Variants in ENPP6 observed in about 807,000 individuals in gnomAD.
The protein encoded by ENPP6 is ectonucleotide pyrophosphatase/phosphodiesterase 6.
A neutral mutation model predicts 42.0 loss-of-function variants in ENPP6; 32 were observed. The ratio of observed to expected loss-of-function variants is 0.76; its 90% confidence interval spans 0.58 to 1.02. The LOEUF (loss-of-function observed/expected upper bound fraction) is 1.02, where lower values mean the gene tolerates loss of function less well. Ranked by LOEUF, ENPP6 falls within the 50% of genes least tolerant of loss-of-function variation. ENPP6 has a pLI of 0.00. For missense variants in ENPP6, 552 were observed against 566.8 expected, an observed-to-expected ratio of 0.97 and a Z score of 0.27; for synonymous variants, 213 against 216.0, an observed-to-expected ratio of 0.99 and a Z score of 0.12.
At chr4:184,153,181 A>G (rs1737086669) in intron 2 of ENPP6, among the ~76,000 whole-genome samples, 2 of 149,796 alleles carry the variant, frequency 1.3e-5, no homozygotes, top group Non-Finnish European at 3.0e-5. Flanking sequence ...ACTGGAGTGC[A>G]ATGGCGCAAT....
intron 2 of ENPP6, among the ~76,000 whole-genome samples, chr4:184,131,752 T>C (rs1736638763): frequency 6.6e-6 from 1 of 151,710 alleles, no homozygotes; most frequent in South Asian, 2.1e-4. Context: ...TCCATTTCAG[T>C]GTCTGTGACT....
intron 1 of ENPP6, among the ~76,000 whole-genome samples, chr4:184,212,836 CTA>C (rs1298785244): frequency 6.6e-6 from 1 of 152,094 alleles, no homozygotes; most frequent in Non-Finnish European, 1.5e-5. Flanking sequence ...TGACTTCAAA[CTA>C]TACTACAAGG....
At chr4:184,109,476 C>T (rs974296448) in intron 6 of ENPP6, among the ~76,000 whole-genome samples, 5 of 152,066 alleles carry the variant, frequency 3.3e-5, no homozygotes, top group East Asian at 3.8e-4. Flanking sequence ...AGAGCTGCTA[C>T]GGATCCGGGC....
Position 184,091,326 on chromosome 4 carries a change from T to G in ENPP6, c.1174A>C (p.Met392Leu). 6.2e-7 allele frequency: 1 copy of G among 1,614,016 alleles called. No homozygotes were observed. The highest frequency in any genetic ancestry group is 8.5e-7 in the Non-Finnish European group (1 of 1,179,988). Residue 392 changes from methionine (M) to leucine (L), a missense_variant, in exon 8 of 8, where the codon ATG (methionine) becomes CTG (leucine). Met to Leu is a conservative substitution (Grantham distance 15). Transcript: ENST00000296741. ...PIRSVDVYNV[M>L]CNVVGITPLP... ...GGGGTGATGCCCACCACATTGCACA[T>G]GACATTGTAGACGTCCACCGACCTG...
At chr4:184,109,414 G>A (rs1338764700) in intron 6 of ENPP6, among the ~76,000 whole-genome samples, 2 of 152,152 alleles carry the variant, frequency 1.3e-5, no homozygotes, top group Non-Finnish European at 2.9e-5. Context: ...TCTGCAAGGT[G>A]TAAAATAACT....
Position 184,184,823 on chromosome 4 carries a change from A to G in ENPP6, c.242-31090T>C, listed in dbSNP as rs1015896874. Among the ~76,000 whole-genome samples the G allele has an allele frequency of 6.6e-6, 1 of 152,014 alleles. No individual in the cohort carries two copies. The highest frequency in any genetic ancestry group is 1.5e-5 in the Non-Finnish European group (1 of 67,996). ...CTCCCTCGGAGCACCGAGAAGGCAA[A>G]ACCCTTGATTTTGGACTTCTTGCCT... is the stretch of plus-strand genomic sequence containing the variant. On this transcript the variant is annotated intron_variant, in intron 1 of 7. Coordinates refer to ENST00000296741, the MANE Select transcript of ENPP6 (RefSeq NM_153343.4). This position sits in a 1 kb window ranked among gnomAD's most constrained non-coding sequence, Gnocchi z 4.7.
chr4:184,147,989 C>T (rs1468735184), intron 2 of ENPP6, among the ~76,000 whole-genome samples: 1 of 152,162 alleles, frequency 6.6e-6, no homozygotes, highest in Non-Finnish European at 1.5e-5. Context: ...CCTTACCCAT[C>T]CCCTCGTGTC....
At chr4:184,097,182 C>A (rs200653808) in intron 7 of ENPP6, 63 bp downstream of exon 7, 2 of 1,601,742 alleles carry the variant, frequency 1.2e-6, no homozygotes, top group Admixed American at 1.7e-5. Context: ...GCACCCGTAG[C>A]CCCCCTTACA....
intron 2 of ENPP6, among the ~76,000 whole-genome samples, chr4:184,130,516 C>A (rs1736583240): frequency 1.3e-5 from 1 of 79,824 alleles, no homozygotes; most frequent in Admixed American, 1.0e-4. Context: ...CGAGATCACA[C>A]CACTGCACTC....
Position 184,091,446 on chromosome 4 carries a change from C to T in ENPP6, c.1118-64G>A. 3 of 1,441,202 alleles carry T rather than the reference C, an allele frequency of 2.1e-6. No homozygotes were observed. In the South Asian group the frequency reaches 4.0e-5, roughly 19 times the overall value. The allele number at this position is 1,441,202 out of a possible 1,614,324, so 89.3% of individuals were successfully genotyped here. A position where few individuals can be genotyped will look rare whatever the true frequency, so the allele number is the denominator to read the frequency against. ...CTCCAGGGCAGAGGTGGGCTGAACGCAATAAAGAAGAATTACATTCAGGCT... is the reference window on the plus strand; with the variant it reads ...CTCCAGGGCAGAGGTGGGCTGAACGTAATAAAGAAGAATTACATTCAGGCT... On this transcript the variant is annotated intron_variant, in intron 7 of 7. Coordinates refer to ENST00000296741, the MANE Select transcript of ENPP6 (RefSeq NM_153343.4).
At position 184,193,899 on chromosome 4, in the gene ENPP6, C is replaced by CT. The variant is rs1732743999; in HGVS notation, c.241+23679dup. ...TAAGGGTGTTTTCATTTCTTATATT[C>CT]TTTAATTGTTCAGTTTGATGCTACT... is the stretch of plus-strand genomic sequence containing the variant. On this transcript the variant is annotated intron_variant, in intron 1 of 7. Transcript: ENST00000296741. Among the ~76,000 whole-genome samples the CT allele has an allele frequency of 2.0e-5, 3 of 152,286 alleles. No homozygotes were observed. The South Asian group carries it at 6.2e-4, about 32-fold the overall frequency.
chr4:184,201,999 A>G (rs1732911823), intron 1 of ENPP6, among the ~76,000 whole-genome samples: 1 of 152,180 alleles, frequency 6.6e-6, no homozygotes, highest in Non-Finnish European at 1.5e-5. Flanking sequence ...GCTGGGTAGC[A>G]AGCAGTGAGA....
At chr4:184,106,994 C>T (rs139615203) in intron 6 of ENPP6, among the ~76,000 whole-genome samples, 2 of 152,342 alleles carry the variant, frequency 1.3e-5, no homozygotes, top group Non-Finnish European at 2.9e-5. Context: ...GTGCCTGACT[C>T]TCCCACAGTT....
intron 3 of ENPP6, among the ~76,000 whole-genome samples, chr4:184,118,744 C>G (rs1193325573): frequency 2.0e-5 from 3 of 152,206 alleles, no homozygotes; most frequent in Admixed American, 6.5e-5. Flanking sequence ...CATCCCAGGT[C>G]AGCTCATTTG....
intron 1 of ENPP6, among the ~76,000 whole-genome samples, chr4:184,167,000 C>T (rs1392368089): frequency 6.6e-6 from 1 of 152,228 alleles, no homozygotes; most frequent in Non-Finnish European, 1.5e-5. Context: ...TCTCCTCATG[C>T]CATGGGCAGA....
chr4:184,107,145 C>T (rs1026079821), intron 6 of ENPP6, among the ~76,000 whole-genome samples: 10 of 152,116 alleles, frequency 6.6e-5, no homozygotes, highest in African/African-American at 2.4e-4. Flanking sequence ...GCGGGACTTC[C>T]GTGCTCTGGG....
chr4:184,172,206 G>A (rs1465984416), intron 1 of ENPP6, among the ~76,000 whole-genome samples: 1 of 152,158 alleles, frequency 6.6e-6, no homozygotes, highest in Non-Finnish European at 1.5e-5. Context: ...ATTGTTGGGA[G>A]GATTTAGATT....
At chr4:184,216,512 T>C (rs1034118343) in intron 1 of ENPP6, 1 of 152,216 alleles carries the variant, frequency 6.6e-6, no homozygotes, top group Non-Finnish European at 1.5e-5. Context: ...CTCTTTTGGC[T>C]TTAGTGTTCT....
At chr4:184,157,439 C>CCT (rs1163182298) in intron 1 of ENPP6, among the ~76,000 whole-genome samples, 3 of 147,492 alleles carry the variant, frequency 2.0e-5, no homozygotes, top group African/African-American at 7.5e-5. Flanking sequence ...CCTTTTCTTT[C>CCT]TTTCTTTTCT....
Sources: allele counts gnomAD v4.1 joint callset (sites outside exome capture counted in the v4.1 genomes callset), GRCh38; gene constraint gnomAD v4.1.1; non-coding constraint Gnocchi (gnomAD v3.1); transcripts MANE v1.5; gene names NCBI Gene and HGNC (gene_info 2026-07-23, HGNC 2026-07-21).